Variants in N4BP2L1 observed in about 807,000 individuals in gnomAD.
N4BP2L1 encodes NEDD4 binding protein 2 like 1.
In N4BP2L1, 12 loss-of-function variants were observed where a neutral mutation model predicts 21.2. That is an observed-to-expected ratio of 0.57 (90% CI 0.36 to 0.92). The LOEUF is 0.92. Ranked by LOEUF, N4BP2L1 falls within the 40% of genes least tolerant of loss-of-function variation. N4BP2L1 has a pLI of 0.01. For missense variants in N4BP2L1, 259 were observed against 310.6 expected, an observed-to-expected ratio of 0.83 and a Z score of 1.25; for synonymous variants, 104 against 112.8, an observed-to-expected ratio of 0.92 and a Z score of 0.49.
upstream of N4BP2L1, among the ~76,000 whole-genome samples, chr13:32,428,485 A>T (rs1195443857): frequency 6.6e-6 from 1 of 152,164 alleles, no homozygotes; most frequent in Non-Finnish European, 1.5e-5. Context: ...CTGAAAGTGA[A>T]ATCATTTTAG....
At chr13:32,410,046 TA>T (rs2073761670) in intron 1 of N4BP2L1, among the ~76,000 whole-genome samples, 1 of 151,824 alleles carries the variant, frequency 6.6e-6, no homozygotes. Context: ...GAATAGAAAA[TA>T]AAAGGGATAA....
chr13:32,418,257 G>C (rs745807851), intron 1 of N4BP2L1, among the ~76,000 whole-genome samples: 14 of 152,336 alleles, frequency 9.2e-5, no homozygotes, highest in South Asian at 4.1e-4. Context: ...GCTCTGGCTG[G>C]CCATGGCTAA....
rs114850257 is a variant in N4BP2L1 at position 32,410,188 on chromosome 13, C to A, written c.180-2416G>T. On this transcript the variant is annotated intron_variant, in intron 1 of 4. Coordinates refer to ENST00000380130, the MANE Select transcript of N4BP2L1 (RefSeq NM_052818.3). ...TTGCCCGGGGTCCCTGCGGCAGCTG[C>A]GTCACCTGACTACGTGGGGCTGGGC... is the stretch of plus-strand genomic sequence containing the variant. Among the ~76,000 whole-genome samples the A allele has an allele frequency of 5.9e-3, 898 of 152,358 alleles. 11 individuals are homozygous for A. Among genetic ancestry groups the A allele is most frequent in the African/African-American group, 0.021 (861 of 41,588 alleles).
chr13:32,407,432 C>A, intron 2 of N4BP2L1, 94 bp from the exon 3 acceptor site: 1 of 1,598,508 alleles, frequency 6.3e-7, no homozygotes, highest in East Asian at 2.2e-5. Context: ...ACAGGATGCC[C>A]TCATCTCCTC....
At chr13:32,411,725 G>A in intron 1 of N4BP2L1, 9 of 983,648 alleles carry the variant, frequency 9.1e-6, no homozygotes, top group Non-Finnish European at 1.1e-5. Context: ...GAGAAACTCA[G>A]GGGCTAATCT....
chr13:32,412,057 T>C (rs929770215), intron 1 of N4BP2L1: 4 of 152,144 alleles, frequency 2.6e-5, no homozygotes, highest in African/African-American at 7.2e-5. Flanking sequence ...TTTCCTCCAG[T>C]TGGTGTGCGT....
rs1413948428 is a variant in N4BP2L1 at position 32,425,262 on chromosome 13, C to T, written c.179+2642G>A. 2.0e-5 allele frequency: 3 copies of T among 152,204 alleles called. No individual in the cohort carries two copies. The East Asian group carries it at 5.8e-4, about 29-fold the overall frequency. 9.4% of individuals were successfully genotyped at this position (152,204 alleles called of 1,614,324 possible). A position where few individuals can be genotyped will look rare whatever the true frequency, so the allele number is the denominator to read the frequency against. ...TGGTGGGCCACACCTGAGCCTGCCT[C>T]TCCACCATTCCATCCTCACCACCGG... is the stretch of plus-strand genomic sequence containing the variant. On this transcript the variant is annotated intron_variant, in intron 1 of 4. Transcript: ENST00000380130.
At chr13:32,410,661 C>T (rs17077554) in intron 1 of N4BP2L1, among the ~76,000 whole-genome samples, 3,864 of 152,246 alleles carry the variant, frequency 0.025, 170 homozygotes, top group African/African-American at 0.087. Context: ...AAGGGTAGCA[C>T]TGATGCATTT....
intron 1 of N4BP2L1, among the ~76,000 whole-genome samples, chr13:32,420,103 G>A (rs1244648504): frequency 1.3e-5 from 2 of 152,176 alleles, no homozygotes; most frequent in Non-Finnish European, 2.9e-5. Context: ...GGGACTCAGG[G>A]AACAGTTCCC....
Position 32,404,310 on chromosome 13 carries a change from C to T in N4BP2L1, c.473+11G>A. On this transcript the variant is annotated intron_variant, in intron 4 of 4. Transcript: ENST00000380130. Reference sequence around the variant, plus strand: ...GATACATAATGAGGAACTAGAAAAACAAAGAAGTACCTTGCTAACTCTTGA... The same window carrying T: ...GATACATAATGAGGAACTAGAAAAATAAAGAAGTACCTTGCTAACTCTTGA... 6.2e-7 allele frequency: 1 copy of T among 1,612,032 alleles called. No homozygotes were observed. The highest frequency in any genetic ancestry group is 1.1e-5 in the South Asian group (1 of 91,020).
At chr13:32,423,945 A>G (rs889757402) in intron 1 of N4BP2L1, among the ~76,000 whole-genome samples, 3 of 152,336 alleles carry the variant, frequency 2.0e-5, no homozygotes, top group African/African-American at 7.2e-5. Context: ...TCAAAACCGG[A>G]AGGCATTTTA....
intron 1 of N4BP2L1, among the ~76,000 whole-genome samples, chr13:32,408,043 C>T (rs1335230039): frequency 2.6e-5 from 4 of 152,186 alleles, no homozygotes; most frequent in Non-Finnish European, 4.4e-5. Flanking sequence ...CCTTCTGTAG[C>T]GGCAAGAACT....
upstream of N4BP2L1, among the ~76,000 whole-genome samples, chr13:32,428,980 C>T (rs1453348319): frequency 6.6e-6 from 1 of 152,224 alleles, no homozygotes; most frequent in Non-Finnish European, 1.5e-5. Context: ...CAGAGTGATC[C>T]TGTTTTCTGA....
chr13:32,405,140 A>T (rs1353168048), intron 3 of N4BP2L1, among the ~76,000 whole-genome samples: 1 of 152,282 alleles, frequency 6.6e-6, no homozygotes, highest in East Asian at 1.9e-4. Context: ...AAATAACACA[A>T]CCGGAAACCT....
chr13:32,422,435 A>G (rs1189704722), intron 1 of N4BP2L1, among the ~76,000 whole-genome samples: 1 of 152,192 alleles, frequency 6.6e-6, no homozygotes, highest in Non-Finnish European at 1.5e-5. Flanking sequence ...CTCAGACCAG[A>G]TGAACTCCAG....
In N4BP2L1 at chr13:32,407,303, T is replaced by C. The variant is rs900357113; in HGVS notation, c.343A>G (p.Ile115Val). 5 of 1,614,072 alleles carry C rather than the reference T, an allele frequency of 3.1e-6. No individual in the cohort carries two copies. Among genetic ancestry groups the C allele is most frequent in the Non-Finnish European group, 4.2e-6 (5 of 1,180,044 alleles). ...GCGTGGAGGTTGGTATTATCAATAATAATGGGGGATATGCCATTCCTCATT... is the reference window on the plus strand; with the variant it reads ...GCGTGGAGGTTGGTATTATCAATAACAATGGGGGATATGCCATTCCTCATT... Reference protein sequence around the residue: ...KAMRNGISPIIIDNTNLHAWE... With the variant: ...KAMRNGISPIVIDNTNLHAWE... Residue 115 changes from isoleucine to valine, a missense_variant, in exon 3 of 5, where the codon ATT becomes GTT. Physicochemically the swap from Ile to Val is conservative, Grantham distance 29. Around this residue, in one of 3 missense-constraint regions of N4BP2L1, gnomAD observed 91 missense variants for 148.1 expected, o/e 0.61. Coordinates refer to ENST00000380130, the MANE Select transcript of N4BP2L1 (RefSeq NM_052818.3).
chr13:32,427,994 GGGGGCGGCC>G lies in N4BP2L1; in HGVS notation c.80_88del (p.Arg27_Pro29del), dbSNP rs754853324. On this transcript the variant is annotated inframe_deletion, in exon 1 of 5. Transcript: ENST00000380130. The stretch of plus-strand genomic sequence containing the variant: ...GTGGCGGCGAGGAGGTGTCCCCCGC[GGGGGCGGCC>G]GGGGCGGCCGCTGCCGCTGCTGCTG... The G allele has an allele frequency of 4.5e-5, 70 of 1,557,854 alleles. No individual in the cohort carries two copies. Among genetic ancestry groups the G allele is most frequent in the East Asian group, 7.6e-5 (3 of 39,598 alleles).
chr13:32,404,295 G>A (rs750976191), intron 4 of N4BP2L1, 26 bp downstream of exon 4: 1 of 1,601,770 alleles, frequency 6.2e-7, no homozygotes, highest in Non-Finnish European at 8.6e-7. Flanking sequence ...GATACATAAT[G>A]AGGAACTAGA....
At chr13:32,423,943 G>A (rs1027402147) in intron 1 of N4BP2L1, among the ~76,000 whole-genome samples, 12 of 152,316 alleles carry the variant, frequency 7.9e-5, no homozygotes, top group South Asian at 2.1e-4. Context: ...GGTCAAAACC[G>A]GAAGGCATTT....
Sources: gnomAD v4.1 joint callset for allele counts (sites outside exome capture counted in the v4.1 genomes callset) on GRCh38, gnomAD v4.1.1 for gene constraint, gnomAD v4.1.1 regional missense constraint, MANE v1.5 for transcripts, NCBI Gene and HGNC (gene_info 2026-07-23, HGNC 2026-07-21) for gene names.